MLPH: variants seen among roughly 807,000 people sequenced by gnomAD.
The protein encoded by MLPH is exophilin-3.
In MLPH, 51 loss-of-function variants were observed where a neutral mutation model predicts 72.1. The observed-to-expected ratio is 0.71, with a 90% CI of 0.56 to 0.89. The LOEUF (loss-of-function observed/expected upper bound fraction) is 0.89. MLPH is among the 40% of genes least tolerant of loss of function. The pLI, the probability that MLPH is intolerant of heterozygous loss-of-function variation, is 0.00. For missense variants in MLPH, 743 were observed against 759.9 expected, an observed-to-expected ratio of 0.98 and a Z score of 0.26; for synonymous variants, 301 against 310.1, an observed-to-expected ratio of 0.97 and a Z score of 0.31.
At chr2:237,545,796 A>G in intron 12 of MLPH, 2 of 403,888 alleles carry the variant, frequency 5.0e-6, no homozygotes, top group Non-Finnish European at 7.8e-6. Context: ...AGTTAGCTCT[A>G]AATTTCAGAT....
At chr2:237,553,096 G>A (rs1205252805) in intron 15 of MLPH, 1 of 472,046 alleles carries the variant, frequency 2.1e-6, no homozygotes, top group African/African-American at 2.0e-5. Flanking sequence ...ACTCTATGCA[G>A]ATGAAGGAGT....
At chr2:237,519,191 G>C (rs563624560) in intron 5 of MLPH, among the ~76,000 whole-genome samples, 2 of 152,254 alleles carry the variant, frequency 1.3e-5, no homozygotes, top group East Asian at 3.9e-4. Context: ...TTTGGGGTGG[G>C]AAGCAAGAAG....
chr2:237,511,008 C>G lies in MLPH; in HGVS notation c.352C>G (p.Leu118Val). The G allele has an allele frequency of 6.2e-7, 1 of 1,613,814 alleles. No individual in the cohort carries two copies. Among genetic ancestry groups the G allele is most frequent in the East Asian group, 2.2e-5 (1 of 44,864 alleles). The change falls in exon 4 of 16, where the codon CTG becomes GTG. Residue 118 changes from leucine (L) to valine (V), a missense_variant. Leu to Val is a conservative substitution (Grantham distance 32). Coordinates refer to ENST00000264605, the MANE Select transcript of MLPH (RefSeq NM_024101.7). ...HLARVVKIGSLEWYYEHVKAR... is the reference protein window; with the variant it reads ...HLARVVKIGSVEWYYEHVKAR... Reference sequence around the variant, plus strand: ...CTGCAGAGTCGTGAAGATCGGCTCACTGGAGTGGTACTATGAGCATGTGAA... The same window carrying G: ...CTGCAGAGTCGTGAAGATCGGCTCAGTGGAGTGGTACTATGAGCATGTGAA...
chr2:237,527,926 A>G (rs1368833162), intron 8 of MLPH, among the ~76,000 whole-genome samples: 3 of 152,374 alleles, frequency 2.0e-5, no homozygotes, highest in Admixed American at 6.5e-5. Context: ...GGATGTACGC[A>G]ACATGGAATA....
chr2:237,514,214 G>A (rs891918660), intron 4 of MLPH, among the ~76,000 whole-genome samples: 1 of 151,968 alleles, frequency 6.6e-6, no homozygotes, highest in African/African-American at 2.4e-5. Context: ...TGGAGTGAGG[G>A]TCTTATGACC....
At chr2:237,525,430 T>C (rs890700099) in intron 6 of MLPH, among the ~76,000 whole-genome samples, 171 bp from the exon 7 acceptor site, 2 of 152,140 alleles carry the variant, frequency 1.3e-5, no homozygotes, top group Admixed American at 1.3e-4. Context: ...TTAGGCACAG[T>C]CTTTGAAATT....
At chr2:237,493,378 G>T (rs1574828920) in intron 1 of MLPH, 25 bp from the exon 2 acceptor site, 1 of 1,470,842 alleles carries the variant, frequency 6.8e-7, no homozygotes, top group South Asian at 1.1e-5. Context: ...TGGGACTGAT[G>T]ACTTGTGATC....
At chr2:237,524,672 C>G (rs1220740611) in intron 6 of MLPH, among the ~76,000 whole-genome samples, 1 of 152,210 alleles carries the variant, frequency 6.6e-6, no homozygotes, top group Non-Finnish European at 1.5e-5. Flanking sequence ...TCGATCCAAT[C>G]AAGTTGACAC....
upstream of MLPH, chr2:237,486,876 A>C (rs1271222324): frequency 6.6e-6 from 1 of 152,184 alleles, no homozygotes; most frequent in East Asian, 1.9e-4. Context: ...GCCGAAGTAC[A>C]TAGCGCTTTC....
chr2:237,547,324 G>A (rs1385034646), intron 13 of MLPH, among the ~76,000 whole-genome samples: 2 of 151,838 alleles, frequency 1.3e-5, no homozygotes, highest in Non-Finnish European at 2.9e-5. Context: ...GCCTGGGAGG[G>A]AGGAGCTCCC....
chr2:237,546,083 A>G (rs1230298565), intron 12 of MLPH, among the ~76,000 whole-genome samples: 1 of 152,214 alleles, frequency 6.6e-6, no homozygotes, highest in Non-Finnish European at 1.5e-5. Flanking sequence ...GGTTCAGTCC[A>G]GTAAGGTGGG....
At position 237,527,845 on chromosome 2, in the gene MLPH, G is replaced by A. The variant is rs551214423; in HGVS notation, c.1020+329G>A. Among the ~76,000 whole-genome samples, 34 of 152,192 alleles carry A rather than the reference G, an allele frequency of 2.2e-4. No individual in the cohort carries two copies. In the South Asian group the frequency reaches 5.0e-3, roughly 22 times the overall value. Reference sequence around the variant, plus strand: ...TTTGCAACCCCGTATCCATAGCAGCGTTATTTGTAATAATCAAAAGGTGGA... The same window carrying A: ...TTTGCAACCCCGTATCCATAGCAGCATTATTTGTAATAATCAAAAGGTGGA... On this transcript the variant is annotated intron_variant, in intron 8 of 15. Transcript: ENST00000264605.
intron 9 of MLPH, among the ~76,000 whole-genome samples, chr2:237,538,055 C>T (rs573817239): frequency 1.4e-4 from 22 of 152,338 alleles, no homozygotes; most frequent in African/African-American, 4.3e-4. Flanking sequence ...TGTGTGACTT[C>T]GTCACCTGGG....
At chr2:237,513,406 G>A (rs1162760780) in intron 4 of MLPH, among the ~76,000 whole-genome samples, 1 of 152,184 alleles carries the variant, frequency 6.6e-6, no homozygotes, top group Non-Finnish European at 1.5e-5. Context: ...TCTTTCCCTC[G>A]GTGGTAGCTT....
chr2:237,529,119 T>G (rs1362113221), intron 8 of MLPH, among the ~76,000 whole-genome samples: 1 of 152,188 alleles, frequency 6.6e-6, no homozygotes, highest in African/African-American at 2.4e-5. Context: ...CTCGGCTCAC[T>G]GCAAGCTCCG....
rs1267170005 is a variant in MLPH at position 237,542,745 on chromosome 2, G to A, written c.1539+86G>A. On this transcript the variant is annotated intron_variant, in intron 12 of 15. Coordinates refer to ENST00000264605, the MANE Select transcript of MLPH (RefSeq NM_024101.7). ...GGACAGTGGTGAGTGGGGGACAGTG[G>A]TGAGTGGAGGGACAGTGGTGAGTGG... 5.2e-6 allele frequency: 4 copies of A among 776,654 alleles called. No individual in the cohort carries two copies. The East Asian group carries it at 9.7e-5, about 19-fold the overall frequency. 48.1% of individuals were successfully genotyped at this position (776,654 alleles called of 1,614,324 possible).
chr2:237,488,142 A>T (rs186361999), intron 1 of MLPH, among the ~76,000 whole-genome samples: 26 of 152,288 alleles, frequency 1.7e-4, no homozygotes, highest in African/African-American at 6.3e-4. Flanking sequence ...CCTCACTTCC[A>T]CACGGAACTT....
At chr2:237,545,783 C>T in intron 12 of MLPH, 1 of 504,274 alleles carries the variant, frequency 2.0e-6, no homozygotes, top group Non-Finnish European at 2.9e-6. Flanking sequence ...ATACAGGATG[C>T]CCAGTTAGCT....
chr2:237,545,605 A>G, intron 12 of MLPH: 4 of 1,287,216 alleles, frequency 3.1e-6, no homozygotes, highest in Non-Finnish European at 4.0e-6. Flanking sequence ...ATGTGACTAG[A>G]ACGGAGGGCG....
Sources: allele counts gnomAD v4.1 joint callset (sites outside exome capture counted in the v4.1 genomes callset), GRCh38; gene constraint gnomAD v4.1.1; transcripts MANE v1.5; gene names NCBI Gene and HGNC (gene_info 2026-07-23, HGNC 2026-07-21).